Variants in FAM186A observed in about 807,000 individuals in gnomAD.
FAM186A encodes the protein family with sequence similarity 186 member A.
In FAM186A, 163 loss-of-function variants were observed where a neutral mutation model predicts 216.8. That is an observed-to-expected ratio of 0.75 (90% CI 0.66 to 0.86). FAM186A has a LOEUF of 0.86. Ranked by LOEUF, FAM186A falls within the 40% of genes least tolerant of loss-of-function variation. The pLI, the probability that FAM186A is intolerant of heterozygous loss-of-function variation, is 0.00. For synonymous variants in FAM186A, 805 were observed against 1,025.3 expected (o/e 0.79, Z 4.10); for missense variants, 2,184 against 2,746.2 (o/e 0.80, Z 4.58).
rs869123486 is a variant in FAM186A at position 50,346,217 on chromosome 12, GA to G, written c.6503+4111del. Among the ~76,000 whole-genome samples the G allele has an allele frequency of 6.3e-3, 811 of 129,490 alleles. 44 individuals carry two copies. The highest frequency in any genetic ancestry group is 0.012 in the South Asian group (45 of 3,632). The allele number at this position is 129,490 out of a possible 152,430, so 85.0% of individuals were successfully genotyped here. On this transcript the variant is annotated intron_variant, in intron 4 of 7. Coordinates refer to ENST00000327337, the MANE Select transcript of FAM186A (RefSeq NM_001145475.3). The stretch of plus-strand genomic sequence containing the variant: ...AAAGAAAGAAAGAGAGAGAGAGAGA[GA>G]AGGAAAGAAAGAAAGAAAAAAAGAA...
At chr12:50,394,867 T>C (rs905225766) in intron 1 of FAM186A, among the ~76,000 whole-genome samples, 4 of 150,110 alleles carry the variant, frequency 2.7e-5, no homozygotes, top group African/African-American at 9.8e-5. Context: ...TAGCTGGGAC[T>C]GCAAGTGCAT....
chr12:50,359,161 G>T (rs2136095920), intron 3 of FAM186A, among the ~76,000 whole-genome samples: 1 of 152,154 alleles, frequency 6.6e-6, no homozygotes, highest in East Asian at 1.9e-4. Context: ...CACTTTGGGA[G>T]GCAGAGGCGG....
chr12:50,338,170 CAT>C (rs1243675219), intron 4 of FAM186A, among the ~76,000 whole-genome samples: 1 of 152,112 alleles, frequency 6.6e-6, no homozygotes, highest in African/African-American at 2.4e-5. Flanking sequence ...CTGCAAGCTA[CAT>C]ATGTTATTTT....
At chr12:50,359,126 A>G (rs1047401397) in intron 3 of FAM186A, among the ~76,000 whole-genome samples, 12 of 151,708 alleles carry the variant, frequency 7.9e-5, no homozygotes, top group Non-Finnish European at 1.6e-4. Flanking sequence ...AAAGACAGAC[A>G]GAGGCCGGGT....
intron 1 of FAM186A, chr12:50,366,071 T>G: frequency 1.4e-6 from 1 of 731,050 alleles, no homozygotes; most frequent in Non-Finnish European, 2.5e-6. Context: ...AAGAAACAAT[T>G]GAGAAGATGT....
intron 4 of FAM186A, among the ~76,000 whole-genome samples, chr12:50,340,406 GGATATTTTTTAAATGTT>G (rs1942750758): frequency 6.6e-6 from 1 of 152,012 alleles, no homozygotes; most frequent in Non-Finnish European, 1.5e-5. Flanking sequence ...CACAAGTGGT[GGATATTTTTTAAATGTT>G]GATGGGCCGA....
chr12:50,344,584 T>C (rs1448914667), intron 4 of FAM186A, among the ~76,000 whole-genome samples: 1 of 152,202 alleles, frequency 6.6e-6, no homozygotes, highest in African/African-American at 2.4e-5. Flanking sequence ...CAAGTGCATG[T>C]GTCTTTTTGG....
Position 50,355,397 on chromosome 12 carries a change from T to A in FAM186A, c.1435A>T (p.Asn479Tyr), listed in dbSNP as rs1253450792. The change falls in exon 4 of 8, where the codon AAT (asparagine) becomes TAT (tyrosine). Residue 479 changes from asparagine (N) to tyrosine (Y), a missense_variant. Asn to Tyr is a moderately radical substitution (Grantham distance 143). This residue lies in a region of FAM186A where 1,132 missense variants were observed against 1,263.4 expected (regional missense o/e 0.90). Coordinates refer to ENST00000327337, the MANE Select transcript of FAM186A (RefSeq NM_001145475.3). ...TCTGAGACTTTCTGTCCACTTTTAT[T>A]ATCACTCAGATTTGGTCCAGAGGTC... ...YETSGPNLSD[N>Y]KSGQKVSEAK... 6.4e-7 allele frequency: 1 copy of A among 1,551,438 alleles called. No individual in the cohort carries two copies. The highest frequency in any genetic ancestry group is 1.2e-5 in the South Asian group (1 of 84,050).
chr12:50,383,595 C>CA (rs1486145567), intron 1 of FAM186A, among the ~76,000 whole-genome samples: 3 of 151,438 alleles, frequency 2.0e-5, no homozygotes, highest in African/African-American at 7.3e-5. Context: ...GACTTTGTCT[C>CA]AAAAAAGAAA....
At chr12:50,394,213 A>T (rs1943390622) in intron 1 of FAM186A, among the ~76,000 whole-genome samples, 1 of 151,938 alleles carries the variant, frequency 6.6e-6, no homozygotes, top group South Asian at 2.1e-4. Flanking sequence ...GCTACTTACC[A>T]CACCTGGCCA....
chr12:50,338,692 G>A (rs190811570), intron 4 of FAM186A, among the ~76,000 whole-genome samples: 183 of 152,030 alleles, frequency 1.2e-3, no homozygotes, highest in African/African-American at 4.3e-3. Context: ...ATAATAGGTA[G>A]TATAGTATAC....
intron 1 of FAM186A, among the ~76,000 whole-genome samples, chr12:50,392,003 G>A (rs1186203826): frequency 6.6e-6 from 1 of 152,112 alleles, no homozygotes; most frequent in Non-Finnish European, 1.5e-5. Flanking sequence ...CAAAAGTGTG[G>A]ATGAATCTCA....
intron 2 of FAM186A, among the ~76,000 whole-genome samples, chr12:50,362,633 A>G (rs531656476): frequency 6.6e-6 from 1 of 150,794 alleles, no homozygotes; most frequent in Admixed American, 6.6e-5. Flanking sequence ...GGTCCCAGCT[A>G]CTAGGGAGGC....
chr12:50,350,676 A>C lies in FAM186A; in HGVS notation c.6156T>G (p.Thr2052=). 6.4e-7 allele frequency: 1 copy of C among 1,551,598 alleles called. No homozygotes were observed. Among genetic ancestry groups the C allele is most frequent in the South Asian group, 1.2e-5 (1 of 84,058 alleles). ...GTGAAATCTGTGATGTTCTGAGTAG[A>C]GTAGTGAGAGAAGATGGTGATGTTG... The part of the protein sequence containing the change: ...KPTTSPSSLT[T]LLRTSQISPL... Residue 2052 remains threonine, a synonymous_variant, in exon 4 of 8, where the codon ACT becomes ACG. Transcript: ENST00000327337.
intron 1 of FAM186A, 67 bp from the exon 2 acceptor site, chr12:50,363,431 C>T (rs1943056731): frequency 1.5e-6 from 2 of 1,314,056 alleles, no homozygotes; most frequent in Non-Finnish European, 2.1e-6. Flanking sequence ...CATCTTTCTT[C>T]TCAGAACGTC....
At chr12:50,357,371 G>A (rs146227697) in intron 3 of FAM186A, among the ~76,000 whole-genome samples, 1,544 of 151,932 alleles carry the variant, frequency 0.01, 30 homozygotes, top group African/African-American at 0.035. Flanking sequence ...GCGTGGTGGC[G>A]CATGCCTGTA....
intron 4 of FAM186A, among the ~76,000 whole-genome samples, chr12:50,344,577 G>C (rs79822684): frequency 6.6e-6 from 1 of 152,186 alleles, no homozygotes; most frequent in African/African-American, 2.4e-5. Flanking sequence ...GAGCAGACAA[G>C]TGCATGTGTC....
Position 50,352,951 on chromosome 12 carries a change from T to A in FAM186A, c.3881A>T (p.Gln1294Leu), listed in dbSNP as rs1942918527. The A allele has an allele frequency of 6.5e-7, 1 of 1,531,844 alleles. No homozygotes were observed. Among genetic ancestry groups the A allele is most frequent in the African/African-American group, 1.4e-5 (1 of 71,196 alleles). 94.9% of individuals were successfully genotyped at this position (1,531,844 alleles called of 1,614,324 possible). A position where few individuals can be genotyped will look rare whatever the true frequency, so the allele number is the denominator to read the frequency against. ...AQELGIPLNP[Q>L]QAQTLGIPLT... ...AGGGATCCCCAGGGTCTGGGCCTGC[T>A]GAGGGTTGAGAGGGATCCCCAATTC... is the stretch of plus-strand genomic sequence containing the variant. The change falls in exon 4 of 8, where the codon CAG (glutamine) becomes CTG (leucine). Residue 1294 changes from glutamine (Q) to leucine (L), a missense_variant. Around this residue, in one of 7 missense-constraint regions of FAM186A, gnomAD observed 267 missense variants for 446.2 expected, o/e 0.60. Transcript: ENST00000327337.
intron 1 of FAM186A, among the ~76,000 whole-genome samples, chr12:50,391,743 T>C (rs1205608243): frequency 1.3e-5 from 2 of 152,146 alleles, no homozygotes; most frequent in Non-Finnish European, 2.9e-5. Flanking sequence ...GTAGCTGGGA[T>C]TACAGGCATG....
Sources: gnomAD v4.1 joint callset for allele counts (sites outside exome capture counted in the v4.1 genomes callset) on GRCh38, gnomAD v4.1.1 for gene constraint, gnomAD v4.1.1 regional missense constraint, MANE v1.5 for transcripts, NCBI Gene and HGNC (gene_info 2026-07-23, HGNC 2026-07-21) for gene names.